Variants in PDCD11 observed in about 807,000 individuals in gnomAD.
The protein encoded by PDCD11 is protein RRP5 homolog.
Under a neutral mutation model 198.9 loss-of-function variants are expected in PDCD11, and 97 were observed. That is an observed-to-expected ratio of 0.49 (90% confidence interval 0.41 to 0.58). PDCD11 has a LOEUF of 0.58. Ranked by LOEUF, PDCD11 falls within the 20% of genes least tolerant of loss-of-function variation. PDCD11 has a pLI of 0.00. For synonymous variants in PDCD11, 893 were observed against 918.0 expected, an observed-to-expected ratio of 0.97 and a Z score of 0.49; for missense variants, 2,102 against 2,312.7, an observed-to-expected ratio of 0.91 and a Z score of 1.87.
At chr10:103,434,386 G>A (rs2133739253) in intron 24 of PDCD11, 36 bp downstream of exon 24, 1 of 1,369,268 alleles carries the variant, frequency 7.3e-7, no homozygotes, top group Non-Finnish European at 1.0e-6. Context: ...CGGGGAAGGG[G>A]AGCGGCAGGA....
intron 20 of PDCD11, among the ~76,000 whole-genome samples, chr10:103,426,121 G>A (rs533728355): frequency 7.2e-5 from 11 of 152,274 alleles, no homozygotes; most frequent in South Asian, 4.1e-4. Context: ...TCATGGTAGC[G>A]ACTACTTTGT....
At chr10:103,444,404 G>A in intron 34 of PDCD11, 113 bp from the exon 35 acceptor site, 1 of 1,058,174 alleles carries the variant, frequency 9.5e-7, no homozygotes, top group Non-Finnish European at 1.4e-6. Flanking sequence ...GTCACAACCT[G>A]AGTCTTGGGA....
intron 29 of PDCD11, 42 bp from the exon 30 acceptor site, chr10:103,440,692 G>T (rs1156578272): frequency 6.2e-7 from 1 of 1,613,596 alleles, no homozygotes; most frequent in Admixed American, 1.7e-5. Context: ...GCCTGGGGCT[G>T]CAGGAGGATG....
At chr10:103,435,611 C>G (rs1298731183) in intron 25 of PDCD11, among the ~76,000 whole-genome samples, 1 of 152,020 alleles carries the variant, frequency 6.6e-6, no homozygotes, top group Non-Finnish European at 1.5e-5. Context: ...CTCCCAAGTT[C>G]AAGCAATTCT....
intron 7 of PDCD11, among the ~76,000 whole-genome samples, chr10:103,408,729 A>G (rs1031544520): frequency 2.0e-5 from 3 of 151,980 alleles, no homozygotes; most frequent in Admixed American, 6.6e-5. Context: ...TTGTAGAGAC[A>G]GGGTTTCACT....
At chr10:103,417,665 G>A in intron 13 of PDCD11, 127 bp from the exon 14 acceptor site, 1 of 930,434 alleles carries the variant, frequency 1.1e-6, no homozygotes, top group Non-Finnish European at 1.6e-6. Flanking sequence ...TCTTTTCACT[G>A]CCTCCTGATC....
chr10:103,419,522 G>A lies in PDCD11; in HGVS notation c.2107-16G>A. 1 of 1,609,740 alleles carries A rather than the reference G, an allele frequency of 6.2e-7. No individual in the cohort carries two copies. Among genetic ancestry groups the A allele is most frequent in the Non-Finnish European group, 8.5e-7 (1 of 1,177,882 alleles). On this transcript the variant is annotated splice_polypyrimidine_tract_variant and intron_variant, in intron 15 of 35. Transcript: ENST00000369797. The stretch of plus-strand genomic sequence containing the variant: ...ATCTGCCCTTTCTGGAACATTCCTT[G>A]ATGAAGTACCACTAGCTTCTTTGCA...
intron 24 of PDCD11, 138 bp from the exon 25 acceptor site, chr10:103,434,660 T>A: frequency 3.0e-6 from 2 of 658,904 alleles, no homozygotes; most frequent in Non-Finnish European, 5.1e-6. Flanking sequence ...GATCTCAGTC[T>A]AGATGGTTCT....
chr10:103,415,918 A>G (rs1395766533), intron 12 of PDCD11, among the ~76,000 whole-genome samples: 1 of 152,244 alleles, frequency 6.6e-6, no homozygotes. Context: ...GCAGGCACTC[A>G]GCATGTTAGA....
chr10:103,434,962 C>G lies in PDCD11; in HGVS notation c.3832C>G (p.Gln1278Glu). Residue 1278 changes from glutamine to glutamate, a missense_variant, in exon 25 of 36, where the codon CAG (glutamine) becomes GAG (glutamate). Physicochemically the swap from Gln to Glu is conservative, Grantham distance 29 (BLOSUM62 2). Coordinates refer to ENST00000369797, the MANE Select transcript of PDCD11 (RefSeq NM_014976.2). ...SETPLEDFVP[Q>E]KVVRCYILST... ...GACGCCCCTGGAAGACTTCGTCCCC[C>G]AGAAGGTTGTCAGGTAAGCGAAGTG... The G allele has an allele frequency of 1.3e-6, 2 of 1,565,640 alleles. No individual in the cohort carries two copies. The highest frequency in any genetic ancestry group is 2.4e-5 in the South Asian group (2 of 83,946).
At chr10:103,434,226 AG>A (rs2032052478) in intron 23 of PDCD11, 21 bp from the exon 24 acceptor site, 1 of 1,531,102 alleles carries the variant, frequency 6.5e-7, no homozygotes, top group Non-Finnish European at 9.1e-7. Flanking sequence ...CAAGCATCAC[AG>A]GAGTTTTTTT....
intron 8 of PDCD11, 137 bp downstream of exon 8, chr10:103,409,943 AGT>A (rs1474048989): frequency 1.5e-6 from 1 of 655,770 alleles, no homozygotes; most frequent in East Asian, 2.7e-5. Context: ...AATAATGAAA[AGT>A]GTTATGGAGG....
At chr10:103,419,801 T>G in intron 16 of PDCD11, 93 bp downstream of exon 16, 1 of 1,119,436 alleles carries the variant, frequency 8.9e-7, no homozygotes, top group Non-Finnish European at 1.3e-6. Flanking sequence ...CTTTATTCCT[T>G]TTTTTTTTGA....
chr10:103,426,466 A>C (rs571518096), intron 20 of PDCD11, among the ~76,000 whole-genome samples: 37 of 152,280 alleles, frequency 2.4e-4, no homozygotes, highest in African/African-American at 8.7e-4. Flanking sequence ...TATAGACTGT[A>C]AGGAAAATTG....
intron 25 of PDCD11, 41 bp downstream of exon 25, chr10:103,435,016 T>G: frequency 7.3e-7 from 1 of 1,361,794 alleles, no homozygotes; most frequent in South Asian, 1.9e-5. Context: ...GTCTGTGGAA[T>G]TGGTATATTT....
At chr10:103,444,372 C>T in intron 34 of PDCD11, 145 bp from the exon 35 acceptor site, 1 of 783,962 alleles carries the variant, frequency 1.3e-6, no homozygotes, top group Non-Finnish European at 2.1e-6. Flanking sequence ...AAACCCACCC[C>T]TTTTGGGTCT....
Position 103,421,350 on chromosome 10 carries a change from C to A in PDCD11, c.2280C>A (p.Ile760=), listed in dbSNP as rs1407091807. ...SGLSGLAPKA[I]MSDKFVTSTS... The stretch of plus-strand genomic sequence containing the variant: ...CTCCTGCCTGTTCTTCTGTTCAGAT[C>A]ATGAGTGACAAATTTGTGACCTCCA... The change falls in exon 17 of 36, where the codon ATC becomes ATA. Residue 760 remains isoleucine (I), a splice_region_variant and synonymous_variant. Transcript: ENST00000369797. The A allele has an allele frequency of 1.2e-6, 2 of 1,604,046 alleles. No individual in the cohort carries two copies. The highest frequency in any genetic ancestry group is 1.1e-5 in the South Asian group (1 of 89,214).
intron 28 of PDCD11, 130 bp downstream of exon 28, chr10:103,439,998 G>C: frequency 3.4e-6 from 4 of 1,174,224 alleles, no homozygotes; most frequent in Non-Finnish European, 3.6e-6. Context: ...ATGAATAAAA[G>C]GCCTTTGTTT....
Position 103,433,961 on chromosome 10 carries a change from A to G in PDCD11, c.3488A>G (p.Lys1163Arg). 3 of 1,613,344 alleles carry G rather than the reference A, an allele frequency of 1.9e-6. No homozygotes were observed. The highest frequency in any genetic ancestry group is 2.5e-6 in the Non-Finnish European group (3 of 1,179,242). ...TCFLKKYNVVKKWLEVEIAPD... is the reference protein window; with the variant it reads ...TCFLKKYNVVRKWLEVEIAPD... The stretch of plus-strand genomic sequence containing the variant: ...TTTTTCCCTCAGTACAATGTGGTGA[A>G]GAAATGGCTTGAGGTGGAGATTGCC... The change falls in exon 23 of 36, where the codon AAG becomes AGG. Residue 1163 changes from lysine (K) to arginine (R), a missense_variant. Coordinates refer to ENST00000369797, the MANE Select transcript of PDCD11 (RefSeq NM_014976.2).
Sources: allele counts gnomAD v4.1 joint callset (sites outside exome capture counted in the v4.1 genomes callset), GRCh38; gene constraint gnomAD v4.1.1; transcripts MANE v1.5; gene names NCBI Gene and HGNC (gene_info 2026-07-23, HGNC 2026-07-21).